Variants in LRRC2 observed in about 807,000 individuals in gnomAD.
LRRC2 encodes leucine-rich repeat-containing protein 2.
Under a neutral mutation model 40.2 loss-of-function variants are expected in LRRC2, and 27 were observed. That is an observed-to-expected ratio of 0.67 (90% CI 0.49 to 0.93). LRRC2 has a LOEUF of 0.93. Among genes scored for constraint, LRRC2 ranks in the 40% least tolerant of loss-of-function variants. The pLI is 0.00. For missense variants in LRRC2, 402 were observed against 439.6 expected, an observed-to-expected ratio of 0.91 and a Z score of 0.76; for synonymous variants, 147 against 158.9, an observed-to-expected ratio of 0.92 and a Z score of 0.56.
intron 3 of LRRC2, among the ~76,000 whole-genome samples, chr3:46,544,192 C>A (rs1704470751): frequency 6.6e-6 from 1 of 152,072 alleles, no homozygotes; most frequent in Non-Finnish European, 1.5e-5. Flanking sequence ...TCGAGACCAG[C>A]CTGGGCAACC....
At chr3:46,529,514 C>T (rs1021432573) in intron 6 of LRRC2, among the ~76,000 whole-genome samples, 3 of 152,154 alleles carry the variant, frequency 2.0e-5, no homozygotes, top group Admixed American at 6.5e-5. Flanking sequence ...TTATGTATAA[C>T]GAATCAATAA....
At chr3:46,527,043 G>C (rs952203475) in intron 7 of LRRC2, among the ~76,000 whole-genome samples, 2 of 152,180 alleles carry the variant, frequency 1.3e-5, no homozygotes, top group African/African-American at 4.8e-5. Context: ...CTTAGTTGTG[G>C]GTGGTTTATA....
chr3:46,532,043 A>G (rs949454055), intron 5 of LRRC2, among the ~76,000 whole-genome samples: 5 of 152,354 alleles, frequency 3.3e-5, no homozygotes, highest in African/African-American at 4.8e-5. Context: ...ATATTTTTAA[A>G]TTAGTGGATT....
intron 4 of LRRC2, among the ~76,000 whole-genome samples, chr3:46,533,622 T>C (rs1419529490): frequency 6.6e-6 from 1 of 152,220 alleles, no homozygotes; most frequent in Non-Finnish European, 1.5e-5. Flanking sequence ...TGTTTTATAA[T>C]AAAGTGTTGA....
chr3:46,556,570 T>C (rs1334071746), intron 1 of LRRC2, among the ~76,000 whole-genome samples: 1 of 145,766 alleles, frequency 6.9e-6, no homozygotes, highest in Non-Finnish European at 1.5e-5. Context: ...TTTTCAGTCA[T>C]TATTTCTTTT....
intron 2 of LRRC2, chr3:46,551,050 C>T (rs944613891): frequency 6.5e-6 from 1 of 154,366 alleles, no homozygotes; most frequent in African/African-American, 2.4e-5. Context: ...ATGAATCTTA[C>T]CTAGAATTCA....
At chr3:46,560,646 G>A (rs1704917309) in intron 1 of LRRC2, among the ~76,000 whole-genome samples, 1 of 152,166 alleles carries the variant, frequency 6.6e-6, no homozygotes. Context: ...TGACAGCAAA[G>A]TGTCATGGTT....
At chr3:46,532,649 G>A (rs1252659245) in intron 5 of LRRC2, 124 bp downstream of exon 5, 1 of 1,080,666 alleles carries the variant, frequency 9.3e-7, no homozygotes, top group Non-Finnish European at 1.3e-6. Context: ...TGATTGAAAT[G>A]TCAGGAAAAG....
rs1421940864 is a variant in LRRC2 at position 46,527,551 on chromosome 3, A to G, written c.804T>C (p.Tyr268=). Reference sequence around the variant, plus strand: ...AGGGAAGGTAGGTCAACTTGTTTTTATACAAGAGAAAGCTCTGCAGCTCCT... The same window carrying G: ...AGGGAAGGTAGGTCAACTTGTTTTTGTACAAGAGAAAGCTCTGCAGCTCCT... ...RLEELQSFLL[Y]KNKLTYLPYS... is the part of the protein sequence containing the mutation. Residue 268 remains tyrosine, a synonymous_variant, in exon 7 of 9, where the codon TAT becomes TAC. Coordinates refer to ENST00000395905, the MANE Select transcript of LRRC2 (RefSeq NM_024512.5). 6.2e-7 allele frequency: 1 copy of G among 1,614,076 alleles called. No individual in the cohort carries two copies. Among genetic ancestry groups the G allele is most frequent in the Non-Finnish European group, 8.5e-7 (1 of 1,179,946 alleles).
At chr3:46,546,085 C>T (rs868269381) in intron 2 of LRRC2, among the ~76,000 whole-genome samples, 4 of 152,198 alleles carry the variant, frequency 2.6e-5, no homozygotes, top group African/African-American at 7.2e-5. Context: ...AAAAGCATTC[C>T]ACACCCTACT....
In LRRC2 at chr3:46,545,233, A is replaced by G; in HGVS notation, c.146T>C (p.Phe49Ser). 1 of 1,614,100 alleles carries G rather than the reference A, an allele frequency of 6.2e-7. No homozygotes were observed. The highest frequency in any genetic ancestry group is 8.5e-7 in the Non-Finnish European group (1 of 1,179,990). ...ALEKIKEEWN[F>S]VAECRRKGIP... ...GCCCTTCCTCCTGCATTCGGCCACA[A>G]AGTTCCACTCCTCCTTTATCCTAAA... Residue 49 changes from phenylalanine to serine, a missense_variant, in exon 3 of 9, where the codon TTT becomes TCT. Phe to Ser is a radical substitution (Grantham distance 155, BLOSUM62 -2). Coordinates refer to ENST00000395905, the MANE Select transcript of LRRC2 (RefSeq NM_024512.5).
At chr3:46,528,664 G>A (rs1006875281) in intron 6 of LRRC2, among the ~76,000 whole-genome samples, 3 of 151,950 alleles carry the variant, frequency 2.0e-5, no homozygotes, top group Non-Finnish European at 4.4e-5. Context: ...TTCCCATGTT[G>A]CAAACTAAAA....
intron 1 of LRRC2, among the ~76,000 whole-genome samples, chr3:46,554,396 A>G (rs1704740010): frequency 6.6e-6 from 1 of 152,134 alleles, no homozygotes. Flanking sequence ...CTGTAATCCC[A>G]GTACTTTGGG....
chr3:46,539,492 ATTAT>A (rs767656638), intron 3 of LRRC2, among the ~76,000 whole-genome samples: 1 of 152,216 alleles, frequency 6.6e-6, no homozygotes, highest in Admixed American at 6.5e-5. Flanking sequence ...CACAATGTGT[ATTAT>A]TTATTTGCAA....
At position 46,551,503 on chromosome 3, in the gene LRRC2, T is replaced by C; in HGVS notation, c.89A>G (p.Lys30Arg). The C allele has an allele frequency of 6.2e-7, 1 of 1,614,088 alleles. No individual in the cohort carries two copies. Among genetic ancestry groups the C allele is most frequent in the Non-Finnish European group, 8.5e-7 (1 of 1,179,974 alleles). The change falls in exon 2 of 9, where the codon AAG (lysine) becomes AGG (arginine). Residue 30 changes from lysine (K) to arginine (R), a missense_variant. Physicochemically the swap from Lys to Arg is conservative, Grantham distance 26. Coordinates refer to ENST00000395905, the MANE Select transcript of LRRC2 (RefSeq NM_024512.5). The part of the protein sequence containing the change: ...RVKKHKAWQK[K>R]EVERLEKSAL... ...GCTCTTCTCAAGCCTTTCCACCTCC[T>C]TCTTCTGCCAAGCTTTGTGCTTCTT...
chr3:46,556,399 T>G (rs962169631), intron 1 of LRRC2, among the ~76,000 whole-genome samples: 5 of 152,110 alleles, frequency 3.3e-5, no homozygotes, highest in African/African-American at 1.2e-4. Context: ...AATGCTGGGA[T>G]GACAGGCATG....
chr3:46,545,192 A>G lies in LRRC2; in HGVS notation c.187T>C (p.Tyr63His), dbSNP rs150599289. 4.5e-5 allele frequency: 72 copies of G among 1,614,184 alleles called. No homozygotes were observed. In the African/African-American group the frequency reaches 7.9e-4, roughly 18 times the overall value. ...CRRKGIPQAV[Y>H]CKNGFIDTSV... ...GTGTCTATGAAGCCATTCTTGCAGT[A>G]TACAGCCTGGGGGATGCCCTTCCTC... Residue 63 changes from tyrosine (Y) to histidine (H), a missense_variant, in exon 3 of 9, where the codon TAC becomes CAC. Tyr to His is a moderately conservative substitution (Grantham distance 83). Coordinates refer to ENST00000395905, the MANE Select transcript of LRRC2 (RefSeq NM_024512.5).
chr3:46,528,845 C>T (rs1704108840), intron 6 of LRRC2, among the ~76,000 whole-genome samples: 1 of 152,200 alleles, frequency 6.6e-6, no homozygotes, highest in Non-Finnish European at 1.5e-5. Flanking sequence ...GGCACGGTGG[C>T]TCATGCCTGA....
intron 4 of LRRC2, among the ~76,000 whole-genome samples, 187 bp downstream of exon 4, chr3:46,538,858 C>T (rs961471140): frequency 5.3e-5 from 8 of 152,192 alleles, no homozygotes; most frequent in Non-Finnish European, 8.8e-5. Context: ...ACAGGCGAGA[C>T]GCCGACCTCA....
Sources: allele counts gnomAD v4.1 joint callset (sites outside exome capture counted in the v4.1 genomes callset), GRCh38; gene constraint gnomAD v4.1.1; transcripts MANE v1.5; gene names NCBI Gene and HGNC (gene_info 2026-07-23, HGNC 2026-07-21).